FAM149A: variants seen among roughly 807,000 people sequenced by gnomAD.
FAM149A encodes family with sequence similarity 149 member A.
A neutral mutation model predicts 78.2 loss-of-function variants in FAM149A; 71 were observed. The ratio of observed to expected loss-of-function variants is 0.91; its 90% CI spans 0.75 to 1.11. FAM149A has a LOEUF of 1.11. Ranked by LOEUF, FAM149A falls within the 50% of genes least tolerant of loss-of-function variation. The probability of loss-of-function intolerance (pLI) is 0.00; values close to 1 mark genes in which losing one functional copy is unlikely to be tolerated. For missense variants in FAM149A, 1,036 were observed against 971.0 expected (o/e 1.07, Z -0.89); for synonymous variants, 446 against 410.5 (o/e 1.09, Z -1.04).
intron 1 of FAM149A, among the ~76,000 whole-genome samples, chr4:186,136,988 C>CTT (rs1367588343): frequency 0.015 from 1,772 of 121,142 alleles, 45 homozygotes; most frequent in Non-Finnish European, 0.022. Context: ...CTCTCTCTCT[C>CTT]TCTCTCTCTC....
intron 13 of FAM149A, among the ~76,000 whole-genome samples, chr4:186,170,561 G>A (rs1268690401): frequency 6.6e-6 from 1 of 152,228 alleles, no homozygotes; most frequent in South Asian, 2.1e-4. Flanking sequence ...TTGTGCTGCT[G>A]GAGAGGAATG....
At chr4:186,160,775 C>A in intron 8 of FAM149A, 2 of 915,364 alleles carry the variant, frequency 2.2e-6, no homozygotes, top group Non-Finnish European at 2.5e-6. Context: ...CCACATCACA[C>A]CACACCACAC....
At chr4:186,123,832 C>T (rs1561389212) in intron 1 of FAM149A, 1 of 983,710 alleles carries the variant, frequency 1.0e-6, no homozygotes, top group African/African-American at 1.8e-5. Flanking sequence ...TCCTTGATAG[C>T]CAGCATAGAA....
At chr4:186,151,851 C>A in intron 3 of FAM149A, 52 bp from the exon 4 acceptor site, 1 of 1,597,406 alleles carries the variant, frequency 6.3e-7, no homozygotes, top group Non-Finnish European at 8.5e-7. Flanking sequence ...GATCCAGAAG[C>A]CCGCAGTTCT....
At chr4:186,121,062 C>G (rs938575912) in intron 1 of FAM149A, among the ~76,000 whole-genome samples, 10 of 151,682 alleles carry the variant, frequency 6.6e-5, no homozygotes, top group African/African-American at 2.4e-4. Context: ...AAAGGCATGA[C>G]TTATTAAAAA....
At chr4:186,123,609 C>T (rs990886887) in intron 1 of FAM149A, among the ~76,000 whole-genome samples, 5 of 152,230 alleles carry the variant, frequency 3.3e-5, no homozygotes, top group African/African-American at 1.2e-4. Context: ...CGACCCACTG[C>T]AGGATCAAGG....
rs775921104 is a variant in FAM149A at position 186,152,007 on chromosome 4, C to T, written c.894C>T (p.Ala298=). 69 of 1,613,926 alleles carry T rather than the reference C, an allele frequency of 4.3e-5. No homozygotes were observed. Among genetic ancestry groups the T allele is most frequent in the Middle Eastern group, 1.7e-4 (1 of 6,050 alleles). The stretch of plus-strand genomic sequence containing the variant: ...ACCCTCAGACCCAGAGTCTGCTGGC[C>T]GAATGCGGGGAGTGGACAAGAAGAT... The change falls in exon 4 of 14, where the codon GCC becomes GCT. Residue 298 remains alanine, a synonymous_variant. Coordinates refer to ENST00000389354, the MANE Select transcript of FAM149A (RefSeq NM_001367768.3).
chr4:186,161,248 T>C (rs573183669), intron 8 of FAM149A, among the ~76,000 whole-genome samples: 17 of 152,248 alleles, frequency 1.1e-4, no homozygotes, highest in African/African-American at 3.6e-4. Context: ...ACAGGTGTGA[T>C]TCGTTAACAT....
chr4:186,110,264 A>G (rs2150077709), intron 1 of FAM149A: 4 of 985,224 alleles, frequency 4.1e-6, no homozygotes, highest in South Asian at 4.7e-5. Context: ...AAGAATAATT[A>G]TTGTCTTAGG....
intron 1 of FAM149A, chr4:186,130,266 T>TCTCTCC (rs1554068056): frequency 3.5e-5 from 1 of 28,438 alleles, no homozygotes; most frequent in Non-Finnish European, 5.9e-5. Flanking sequence ...TTATGAAATC[T>TCTCTCC]CTCTCTCTCT....
chr4:186,119,765 G>A (rs2099315184), intron 1 of FAM149A, among the ~76,000 whole-genome samples: 1 of 152,134 alleles, frequency 6.6e-6, no homozygotes, highest in African/African-American at 2.4e-5. Flanking sequence ...AAGGTAAAGT[G>A]GGGATGTATT....
At chr4:186,143,608 C>T (rs1449355560) in intron 1 of FAM149A, among the ~76,000 whole-genome samples, 2 of 151,976 alleles carry the variant, frequency 1.3e-5, no homozygotes, top group South Asian at 2.1e-4. Flanking sequence ...GTGGGTGGGG[C>T]GATCTCCGCC....
chr4:186,164,441 G>A lies in FAM149A; in HGVS notation c.1889+808G>A, dbSNP rs1281889656. ...CAGGGGAGCTGTTATCAGGAGCCGA[G>A]CTCAGGAGCGGGCGGCTGCCAACGC... On this transcript the variant is annotated intron_variant, in intron 10 of 13. Transcript: ENST00000389354. This position sits in a 1 kb window ranked among gnomAD's most constrained non-coding sequence, Gnocchi z 4.0. 4.1e-6 allele frequency: 4 copies of A among 985,388 alleles called. No homozygotes were observed. Among genetic ancestry groups the A allele is most frequent in the East Asian group, 2.3e-4 (2 of 8,802 alleles). 61.0% of individuals were successfully genotyped at this position (985,388 alleles called of 1,614,324 possible).
In FAM149A at chr4:186,117,854, T is replaced by C. The variant is rs144962819; in HGVS notation, c.566+12212T>C. ...GGAATGAACACAGTGAAAAGAAAGA[T>C]ATTGAACTGACAAATCTCCCAAGAC... On this transcript the variant is annotated intron_variant, in intron 1 of 13. Transcript: ENST00000389354. 4.6e-4 allele frequency: 434 copies of C among 945,736 alleles called. 1 individual carries two copies. In the African/African-American group the frequency reaches 6.7e-3, roughly 15 times the overall value. 58.6% of individuals were successfully genotyped at this position (945,736 alleles called of 1,614,324 possible).
chr4:186,129,919 T>A (rs1271170502), intron 1 of FAM149A: 1 of 152,208 alleles, frequency 6.6e-6, no homozygotes, highest in Non-Finnish European at 1.5e-5. Context: ...TTGGTAGAAG[T>A]ACCAAGGGCC....
At chr4:186,165,523 C>A in intron 11 of FAM149A, 59 bp downstream of exon 11, 8 of 1,573,778 alleles carry the variant, frequency 5.1e-6, no homozygotes, top group Non-Finnish European at 7.0e-6. Context: ...GGAAAACAAA[C>A]AAAAACAACC....
At chr4:186,117,659 G>A (rs9992614) in intron 1 of FAM149A, 237,645 of 984,822 alleles carry the variant, frequency 0.24, 29,381 homozygotes, top group African/African-American at 0.36. Flanking sequence ...TGTGAAAAGC[G>A]TTAAAACTAG....
At chr4:186,157,121 T>A (rs954280017) in intron 7 of FAM149A, among the ~76,000 whole-genome samples, 1 of 151,652 alleles carries the variant, frequency 6.6e-6, no homozygotes, top group Non-Finnish European at 1.5e-5. Context: ...TAATGTAAAA[T>A]GTAAACATTG....
At chr4:186,163,984 A>G (rs1734813189) in intron 10 of FAM149A, among the ~76,000 whole-genome samples, 1 of 152,226 alleles carries the variant, frequency 6.6e-6, no homozygotes, top group Non-Finnish European at 1.5e-5. Context: ...AATAATGTAT[A>G]TAAAATGCTA....
Sources: allele counts gnomAD v4.1 joint callset (sites outside exome capture counted in the v4.1 genomes callset), GRCh38; gene constraint gnomAD v4.1.1; non-coding constraint Gnocchi (gnomAD v3.1); transcripts MANE v1.5; gene names NCBI Gene and HGNC (gene_info 2026-07-23, HGNC 2026-07-21).